The following CTNNA3 variants were observed in gnomAD, a reference collection of about 807,000 sequenced individuals.
The protein encoded by CTNNA3 is catenin alpha-3.
In CTNNA3, 76 loss-of-function variants were observed where a neutral mutation model predicts 95.7. The observed-to-expected ratio is 0.79, with a 90% confidence interval of 0.66 to 0.96. CTNNA3 has a LOEUF of 0.96. CTNNA3 is among the 40% of genes least tolerant of loss of function. The probability of loss-of-function intolerance (pLI) is 0.00; values close to 1 mark genes in which losing one functional copy is unlikely to be tolerated. For synonymous variants in CTNNA3, 431 were observed against 374.4 expected, an observed-to-expected ratio of 1.15 and a Z score of -1.74; for missense variants, 1,191 against 1,089.8, an observed-to-expected ratio of 1.09 and a Z score of -1.31.
intron 12 of CTNNA3, among the ~76,000 whole-genome samples, chr10:66,377,244 C>T (rs1037657394): frequency 2.0e-5 from 3 of 151,978 alleles, no homozygotes; most frequent in Non-Finnish European, 4.4e-5. Context: ...GCTGTTTATA[C>T]ATAATAACCC....
chr10:66,907,395 G>C (rs570749003), intron 7 of CTNNA3, among the ~76,000 whole-genome samples: 2 of 151,974 alleles, frequency 1.3e-5, no homozygotes, highest in African/African-American at 2.4e-5. Flanking sequence ...TTTCACTTGA[G>C]CCTCTTAGAT....
At chr10:66,309,466 G>A (rs557742795) in intron 12 of CTNNA3, among the ~76,000 whole-genome samples, 1 of 151,784 alleles carries the variant, frequency 6.6e-6, no homozygotes, top group African/African-American at 2.4e-5. Context: ...GCCAAGGCGG[G>A]CAGATCACGA....
rs146077402 is a variant in CTNNA3 at position 66,899,392 on chromosome 10, G to A, written c.1048-123868C>T. Among the ~76,000 whole-genome samples the A allele has an allele frequency of 2.6e-3, 400 of 152,260 alleles. 5 individuals are homozygous for A. The highest frequency in any genetic ancestry group is 2.1e-3 in the East Asian group (11 of 5,168). Reference sequence around the variant, plus strand: ...CAAAAGAACTGAAATCAAGATGGTCGTTTCCAAGATGGCCAAATAGGAACA... The same window carrying A: ...CAAAAGAACTGAAATCAAGATGGTCATTTCCAAGATGGCCAAATAGGAACA... On this transcript the variant is annotated intron_variant, in intron 7 of 17. Coordinates refer to ENST00000433211, the MANE Select transcript of CTNNA3 (RefSeq NM_013266.4).
At chr10:66,759,452 A>T (rs559214361) in intron 9 of CTNNA3, among the ~76,000 whole-genome samples, 2 of 152,140 alleles carry the variant, frequency 1.3e-5, no homozygotes, top group Admixed American at 1.3e-4. Context: ...ACATTTCAAG[A>T]TTTTCTATGG....
intron 15 of CTNNA3, among the ~76,000 whole-genome samples, chr10:66,043,862 T>G (rs1224741286): frequency 6.6e-6 from 1 of 152,172 alleles, no homozygotes; most frequent in African/African-American, 2.4e-5. Flanking sequence ...ATCTTGAATC[T>G]GCCTTTTCTA....
chr10:66,598,106 G>A (rs1843788039), intron 10 of CTNNA3, among the ~76,000 whole-genome samples: 1 of 151,726 alleles, frequency 6.6e-6, no homozygotes, highest in Non-Finnish European at 1.5e-5. Context: ...AGGAATTCAA[G>A]AATACATAAA....
At chr10:67,712,755 C>T (rs911837452) in intron 1 of CTNNA3, among the ~76,000 whole-genome samples, 5 of 152,092 alleles carry the variant, frequency 3.3e-5, no homozygotes, top group South Asian at 2.1e-4. Flanking sequence ...AACTGGACCT[C>T]GTCCTTACAC....
chr10:67,187,171 A>T (rs1317966682), intron 6 of CTNNA3, among the ~76,000 whole-genome samples: 1 of 152,130 alleles, frequency 6.6e-6, no homozygotes, highest in Non-Finnish European at 1.5e-5. Context: ...AGTCTGTCCA[A>T]ATCTGTCTAC....
intron 7 of CTNNA3, among the ~76,000 whole-genome samples, chr10:67,143,228 G>A (rs1589789178): frequency 2.0e-5 from 3 of 151,854 alleles, no homozygotes; most frequent in African/African-American, 7.3e-5. Flanking sequence ...ATCACCTGAG[G>A]TCAGGAGTTC....
chr10:66,367,424 G>A (rs530939139), intron 12 of CTNNA3, among the ~76,000 whole-genome samples: 8 of 151,070 alleles, frequency 5.3e-5, no homozygotes, highest in African/African-American at 1.9e-4. Flanking sequence ...TCATTGACAT[G>A]TTATATATAT....
intron 12 of CTNNA3, among the ~76,000 whole-genome samples, chr10:66,290,972 A>C (rs1040965933): frequency 1.3e-5 from 2 of 152,178 alleles, no homozygotes; most frequent in African/African-American, 4.8e-5. Context: ...TATTCCTGAG[A>C]CAGAAAGCCT....
At position 67,388,051 on chromosome 10, in the gene CTNNA3, C is replaced by T. The variant is rs563566849; in HGVS notation, c.579+133791G>A. Among the ~76,000 whole-genome samples the T allele has an allele frequency of 4.0e-5, 6 of 151,590 alleles. No individual in the cohort carries two copies. The East Asian group carries it at 1.2e-3, about 29-fold the overall frequency. On this transcript the variant is annotated intron_variant, in intron 5 of 17. Transcript: ENST00000433211. ...GTTCCTCACCAGCAACGGAACAAAGCTGGATGGAGAATGACTTTGACGAGC... is the reference window on the plus strand; with the variant it reads ...GTTCCTCACCAGCAACGGAACAAAGTTGGATGGAGAATGACTTTGACGAGC...
chr10:67,487,271 A>G (rs1480758596), intron 5 of CTNNA3, among the ~76,000 whole-genome samples: 1 of 152,220 alleles, frequency 6.6e-6, no homozygotes, highest in Non-Finnish European at 1.5e-5. Context: ...TTTTGACAGT[A>G]AGACATCCCC....
Position 66,574,831 on chromosome 10 carries a change from G to T in CTNNA3, c.1374+46861C>A, listed in dbSNP as rs191444320. 7.9e-5 allele frequency among the ~76,000 whole-genome samples: 12 copies of T among 152,186 alleles called. No homozygotes were observed. The East Asian group carries it at 2.3e-3, about 29-fold the overall frequency. On this transcript the variant is annotated intron_variant, in intron 10 of 17. Coordinates refer to ENST00000433211, the MANE Select transcript of CTNNA3 (RefSeq NM_013266.4). ...CATGCCATAGCCTATGCTCAAAAGA[G>T]GATTCTTAGTCTACATTCCAGATTC... is the stretch of plus-strand genomic sequence containing the variant.
intron 5 of CTNNA3, among the ~76,000 whole-genome samples, chr10:67,227,953 G>A (rs192982373): frequency 6.6e-6 from 1 of 152,260 alleles, no homozygotes; most frequent in East Asian, 1.9e-4. Flanking sequence ...TTAGCATTGG[G>A]TCAAAAATGA....
intron 7 of CTNNA3, among the ~76,000 whole-genome samples, chr10:67,073,336 C>A (rs187581778): frequency 1.8e-4 from 28 of 152,144 alleles, no homozygotes; most frequent in Admixed American, 1.4e-3. Context: ...AATTTTGAAA[C>A]CTGGAACAGT....
chr10:67,413,655 T>C (rs920670177), intron 5 of CTNNA3, among the ~76,000 whole-genome samples: 6 of 152,124 alleles, frequency 3.9e-5, no homozygotes, highest in Non-Finnish European at 8.8e-5. Context: ...ACAGAACATA[T>C]TCAAAGATCA....
At chr10:67,361,514 T>C (rs1307228816) in intron 5 of CTNNA3, among the ~76,000 whole-genome samples, 1 of 152,178 alleles carries the variant, frequency 6.6e-6, no homozygotes, top group Non-Finnish European at 1.5e-5. Context: ...AACTTGTTCC[T>C]GGAAGACTTT....
chr10:67,449,231 AAT>A (rs1846874447), intron 5 of CTNNA3, among the ~76,000 whole-genome samples: 1 of 152,304 alleles, frequency 6.6e-6, no homozygotes, highest in African/African-American at 2.4e-5. Context: ...AGAAAGAATC[AAT>A]GTCATTAAAA....
Sources: allele counts gnomAD v4.1 joint callset (sites outside exome capture counted in the v4.1 genomes callset), GRCh38; gene constraint gnomAD v4.1.1; transcripts MANE v1.5; gene names NCBI Gene and HGNC (gene_info 2026-07-23, HGNC 2026-07-21).